The following NTRK3 variants were observed in gnomAD, a reference collection of about 807,000 sequenced individuals.
NTRK3 encodes neurotrophic receptor tyrosine kinase 3.
Under a neutral mutation model 91.7 loss-of-function variants are expected in NTRK3, and 24 were observed. The ratio of observed to expected loss-of-function variants is 0.26; its 90% CI spans 0.19 to 0.37. The LOEUF (loss-of-function observed/expected upper bound fraction) is 0.37, where lower values mean the gene tolerates loss of function less well. NTRK3 is among the 10% of genes least tolerant of loss of function. The pLI is 1.00. For missense variants in NTRK3, 880 were observed against 1,068.9 expected (o/e 0.82, Z 2.46); for synonymous variants, 483 against 404.0 (o/e 1.20, Z -2.34).
intron 3 of NTRK3, among the ~76,000 whole-genome samples, chr15:88,246,633 T>C (rs1377524251): frequency 6.6e-6 from 1 of 152,220 alleles, no homozygotes; most frequent in East Asian, 1.9e-4. Context: ...TCTGTGCAAA[T>C]GTGCTGATCT....
At chr15:87,957,621 G>A (rs145053333) in intron 14 of NTRK3, among the ~76,000 whole-genome samples, 407 of 126,566 alleles carry the variant, frequency 3.2e-3, no homozygotes, top group Non-Finnish European at 4.8e-3. Context: ...CTATAATTAC[G>A]TTAACACAGA....
At chr15:88,036,554 A>G (rs1338076196) in intron 13 of NTRK3, among the ~76,000 whole-genome samples, 3 of 152,214 alleles carry the variant, frequency 2.0e-5, no homozygotes, top group African/African-American at 7.2e-5. Context: ...GGGGCAAGCA[A>G]GGAAAAGAGG....
At chr15:88,136,108 C>A in intron 8 of NTRK3, 68 bp from the exon 9 acceptor site, 1 of 1,575,666 alleles carries the variant, frequency 6.3e-7, no homozygotes, top group East Asian at 2.2e-5. Context: ...ACCTAATCCC[C>A]AAATACCTTT....
chr15:88,016,968 A>AG (rs964882968), intron 14 of NTRK3, among the ~76,000 whole-genome samples: 3 of 150,990 alleles, frequency 2.0e-5, no homozygotes, highest in African/African-American at 7.3e-5. Context: ...AAAAAAAAAA[A>AG]AAAAAAAAAA....
chr15:87,937,966 A>G (rs2069458787), intron 15 of NTRK3, among the ~76,000 whole-genome samples: 1 of 151,206 alleles, frequency 6.6e-6, no homozygotes, highest in African/African-American at 2.4e-5. Flanking sequence ...AATGACAGAG[A>G]CGAAAAAAAA....
At chr15:87,898,394 T>G (rs1271154994) in intron 17 of NTRK3, among the ~76,000 whole-genome samples, 1 of 152,178 alleles carries the variant, frequency 6.6e-6, no homozygotes, top group Non-Finnish European at 1.5e-5. Flanking sequence ...TCTGTGTGAC[T>G]GCCAGTCTGG....
intron 3 of NTRK3, among the ~76,000 whole-genome samples, chr15:88,217,362 G>A (rs890277582): frequency 7.0e-4 from 106 of 152,200 alleles, no homozygotes; most frequent in East Asian, 7.7e-4. Flanking sequence ...TGTATCCATC[G>A]CAGATGAATG....
intron 3 of NTRK3, chr15:88,206,034 A>C (rs2141343974): frequency 6.6e-6 from 1 of 152,410 alleles, no homozygotes; most frequent in Non-Finnish European, 1.5e-5. Context: ...ATGCCTTGGA[A>C]GACACTTATT....
chr15:88,183,107 G>A (rs998152270), intron 5 of NTRK3, among the ~76,000 whole-genome samples: 7 of 144,548 alleles, frequency 4.8e-5, no homozygotes, highest in Admixed American at 3.8e-4. Flanking sequence ...ACATATGAGT[G>A]GAATTCCCTA....
intron 12 of NTRK3, among the ~76,000 whole-genome samples, chr15:88,126,900 C>A (rs970855310): frequency 6.6e-6 from 1 of 152,166 alleles, no homozygotes; most frequent in Admixed American, 6.5e-5. Flanking sequence ...GCAGCCCCTG[C>A]AAATCAGGCC....
At chr15:88,066,386 T>A (rs1373302522) in intron 13 of NTRK3, among the ~76,000 whole-genome samples, 1 of 152,104 alleles carries the variant, frequency 6.6e-6, no homozygotes, top group East Asian at 1.9e-4. Flanking sequence ...TGATTGCAGA[T>A]CCCCTTCCTA....
chr15:88,137,021 G>C (rs2041941470), intron 7 of NTRK3, among the ~76,000 whole-genome samples: 1 of 152,070 alleles, frequency 6.6e-6, no homozygotes, highest in Non-Finnish European at 1.5e-5. Flanking sequence ...TCTGTGTTTG[G>C]GCCCAGAAAT....
At chr15:88,217,294 G>A (rs555113202) in intron 3 of NTRK3, among the ~76,000 whole-genome samples, 10 of 152,264 alleles carry the variant, frequency 6.6e-5, no homozygotes, top group Admixed American at 2.0e-4. Context: ...GATAACTAAC[G>A]GTATACCCGT....
At chr15:87,973,696 C>T (rs1214321728) in intron 14 of NTRK3, among the ~76,000 whole-genome samples, 1 of 152,200 alleles carries the variant, frequency 6.6e-6, no homozygotes, top group South Asian at 2.1e-4. Context: ...GCTCCAGGCC[C>T]GTGCTGGACA....
chr15:87,909,815 T>C lies in NTRK3; in HGVS notation c.2133+19376A>G, dbSNP rs948503897. Among the ~76,000 whole-genome samples the C allele has an allele frequency of 2.6e-5, 4 of 152,298 alleles. No individual in the cohort carries two copies. In the East Asian group the frequency reaches 7.7e-4, roughly 29 times the overall value. On this transcript the variant is annotated intron_variant, in intron 17 of 18. Transcript: ENST00000394480. ...TTAGGACACAAACCACACAGACGGATGACCATGTGGGGACACAGTGAGCAG... is the reference window on the plus strand; with the variant it reads ...TTAGGACACAAACCACACAGACGGACGACCATGTGGGGACACAGTGAGCAG...
intron 11 of NTRK3, among the ~76,000 whole-genome samples, chr15:88,127,753 C>T (rs2053444793): frequency 6.6e-6 from 1 of 152,186 alleles, no homozygotes; most frequent in Non-Finnish European, 1.5e-5. Context: ...AGCCCACTAT[C>T]CATTCCCCTA....
chr15:88,197,264 C>T (rs1243608339), intron 3 of NTRK3, among the ~76,000 whole-genome samples: 1 of 152,150 alleles, frequency 6.6e-6, no homozygotes, highest in African/African-American at 2.4e-5. Context: ...ATCAGTCCCT[C>T]CTTCCTGATA....
chr15:87,955,296 C>T (rs1365802569), intron 14 of NTRK3, among the ~76,000 whole-genome samples: 1 of 152,216 alleles, frequency 6.6e-6, no homozygotes, highest in Non-Finnish European at 1.5e-5. Context: ...AGGAATTTGT[C>T]TGCAGAAGTT....
intron 17 of NTRK3, among the ~76,000 whole-genome samples, chr15:87,910,469 A>G (rs2067021719): frequency 6.6e-6 from 1 of 152,212 alleles, no homozygotes; most frequent in Non-Finnish European, 1.5e-5. Flanking sequence ...GAGAAGCAGG[A>G]GGAGGCCATG....
Sources: gnomAD v4.1 joint callset for allele counts (sites outside exome capture counted in the v4.1 genomes callset) on GRCh38, gnomAD v4.1.1 for gene constraint, MANE v1.5 for transcripts, NCBI Gene and HGNC (gene_info 2026-07-23, HGNC 2026-07-21) for gene names.